METTL16: variants seen among roughly 807,000 people sequenced by gnomAD.
The protein encoded by METTL16 is RNA N(6)-adenosine-methyltransferase METTL16.
Under a neutral mutation model 57.9 loss-of-function variants are expected in METTL16, and 19 were observed. The observed-to-expected ratio is 0.33, with a 90% CI of 0.23 to 0.48. METTL16 has a LOEUF of 0.48. Among genes scored for constraint, METTL16 ranks in the 20% least tolerant of loss-of-function variants. The probability of loss-of-function intolerance (pLI) is 0.99; values close to 1 mark genes in which losing one functional copy is unlikely to be tolerated. For missense variants in METTL16, 434 were observed against 691.5 expected (o/e 0.63, Z 4.18); for synonymous variants, 246 against 255.6 (o/e 0.96, Z 0.36).
chr17:2,497,960 T>C (rs923470870), intron 2 of METTL16, among the ~76,000 whole-genome samples: 4 of 151,638 alleles, frequency 2.6e-5, no homozygotes, highest in Admixed American at 6.6e-5. Context: ...TTTGGGAGGC[T>C]GAGGTGGGCA....
At chr17:2,467,487 G>A (rs28712660) in intron 5 of METTL16, among the ~76,000 whole-genome samples, 49,851 of 151,986 alleles carry the variant, frequency 0.33, 10,184 homozygotes, top group African/African-American at 0.58. Context: ...GTGCAATGGC[G>A]CAATCTTGGC....
At chr17:2,442,198 C>G (rs2066957872) in intron 6 of METTL16, among the ~76,000 whole-genome samples, 1 of 152,190 alleles carries the variant, frequency 6.6e-6, no homozygotes, top group African/African-American at 2.4e-5. Context: ...GGGAATTGCC[C>G]TTCCACCATA....
At chr17:2,502,392 C>T (rs558095416) in intron 1 of METTL16, 61 bp from the exon 2 acceptor site, 51 of 1,545,078 alleles carry the variant, frequency 3.3e-5, no homozygotes, top group South Asian at 2.0e-4. Flanking sequence ...TAATGGGGGC[C>T]GGGTGCGGTG....
At chr17:2,495,199 G>A (rs1377526591) in intron 2 of METTL16, among the ~76,000 whole-genome samples, 1 of 151,772 alleles carries the variant, frequency 6.6e-6, no homozygotes, top group African/African-American at 2.4e-5. Flanking sequence ...GGGTGTGGCA[G>A]CACACACCCA....
intron 8 of METTL16, among the ~76,000 whole-genome samples, chr17:2,425,747 C>T (rs1480909481): frequency 2.6e-5 from 4 of 151,536 alleles, no homozygotes; most frequent in Admixed American, 6.6e-5. Context: ...AGTGCAGTGG[C>T]GCAATTACGG....
At chr17:2,440,128 G>A (rs1567886166) in intron 7 of METTL16, among the ~76,000 whole-genome samples, 2 of 152,202 alleles carry the variant, frequency 1.3e-5, no homozygotes, top group South Asian at 2.1e-4. Context: ...GTGGTGGTGT[G>A]TGCCAACAGT....
intron 6 of METTL16, among the ~76,000 whole-genome samples, chr17:2,454,241 G>T (rs930968624): frequency 5.3e-5 from 8 of 152,086 alleles, no homozygotes; most frequent in Non-Finnish European, 1.0e-4. Context: ...CGGTTATTTA[G>T]AAACTTATTA....
At chr17:2,448,795 T>TA (rs2067042339) in intron 6 of METTL16, among the ~76,000 whole-genome samples, 1 of 36,812 alleles carries the variant, frequency 2.7e-5, no homozygotes. Context: ...AAAATAAAAA[T>TA]AAAATTTAAA....
At chr17:2,441,272 G>A (rs913029352) in intron 7 of METTL16, among the ~76,000 whole-genome samples, 2 of 152,144 alleles carry the variant, frequency 1.3e-5, no homozygotes, top group East Asian at 1.9e-4. Flanking sequence ...ATGGAATGAC[G>A]GGCAAAGGGA....
chr17:2,509,826 T>G lies in METTL16; in HGVS notation c.-1+1933A>C. 2.0e-5 allele frequency among the ~76,000 whole-genome samples: 3 copies of G among 151,232 alleles called. 1 individual carries two copies. In the East Asian group the frequency reaches 5.8e-4, roughly 29 times the overall value. On this transcript the variant is annotated intron_variant, in intron 1 of 9. Transcript: ENST00000263092. ...TACTTGGGAGGCTGAGGCAGGAGAA[T>G]CACTTGAATTCAGGAGGCCGAAGTT...
chr17:2,462,349 G>A (rs547832498), intron 6 of METTL16, among the ~76,000 whole-genome samples: 9 of 152,290 alleles, frequency 5.9e-5, no homozygotes, highest in South Asian at 2.1e-4. Context: ...GGGATTTAAC[G>A]AGTACAGAGT....
At chr17:2,497,502 G>A (rs1480216191) in intron 2 of METTL16, among the ~76,000 whole-genome samples, 2 of 150,844 alleles carry the variant, frequency 1.3e-5, no homozygotes, top group Non-Finnish European at 2.9e-5. Context: ...TAGCAGAGAA[G>A]GGGTCTCTCC....
At chr17:2,476,908 A>G (rs1167246784) in intron 3 of METTL16, among the ~76,000 whole-genome samples, 1 of 151,688 alleles carries the variant, frequency 6.6e-6, no homozygotes, top group Non-Finnish European at 1.5e-5. Context: ...ACGAGTCGAG[A>G]CCGTGCTATT....
At chr17:2,511,564 T>C (rs1296402020) in intron 1 of METTL16, among the ~76,000 whole-genome samples, 195 bp downstream of exon 1, 1 of 152,020 alleles carries the variant, frequency 6.6e-6, no homozygotes, top group Non-Finnish European at 1.5e-5. Flanking sequence ...CTAGTCTCTA[T>C]TCTATTCGCC....
intron 4 of METTL16, among the ~76,000 whole-genome samples, chr17:2,470,332 G>T (rs567613001): frequency 1.3e-4 from 20 of 152,152 alleles, no homozygotes; most frequent in Non-Finnish European, 2.2e-4. Flanking sequence ...CCAAAACGTG[G>T]TATTAAATAG....
intron 3 of METTL16, among the ~76,000 whole-genome samples, chr17:2,474,972 T>C (rs1242086420): frequency 1.3e-5 from 2 of 152,104 alleles, no homozygotes; most frequent in African/African-American, 2.4e-5. Context: ...CTAAAGAGTA[T>C]TATCAAGAGA....
Position 2,438,186 on chromosome 17 carries a change from T to A in METTL16, c.811A>T (p.Thr271Ser). ...CGACCTTGACAGAATTCAGTGTACG[T>A]TACTTTGGGAACCTGAAACCAACAA... Reference protein sequence around the residue: ...ELRIQGVPKVTYTEFCQGRTM... With the variant: ...ELRIQGVPKVSYTEFCQGRTM... The change falls in exon 8 of 10, where the codon ACG (threonine) becomes TCG (serine). Residue 271 changes from threonine to serine, a missense_variant. By Grantham distance (58) the Thr-to-Ser change is moderately conservative. Transcript: ENST00000263092. 6.2e-7 allele frequency: 1 copy of A among 1,613,564 alleles called. No homozygotes were observed. Among genetic ancestry groups the A allele is most frequent in the Non-Finnish European group, 8.5e-7 (1 of 1,179,552 alleles).
intron 6 of METTL16, among the ~76,000 whole-genome samples, chr17:2,454,035 G>A (rs2067090883): frequency 6.6e-6 from 1 of 151,934 alleles, no homozygotes; most frequent in Admixed American, 6.6e-5. Context: ...AGTCATTATT[G>A]TCATTATTCA....
At chr17:2,426,004 T>C (rs2066815367) in intron 8 of METTL16, among the ~76,000 whole-genome samples, 1 of 148,698 alleles carries the variant, frequency 6.7e-6, no homozygotes, top group Non-Finnish European at 1.5e-5. Context: ...TGTAGCATGT[T>C]ATGTCTCCGT....
Sources: allele counts gnomAD v4.1 joint callset (sites outside exome capture counted in the v4.1 genomes callset), GRCh38; gene constraint gnomAD v4.1.1; transcripts MANE v1.5; gene names NCBI Gene and HGNC (gene_info 2026-07-23, HGNC 2026-07-21).